The following GALNT9 variants were observed in gnomAD, a reference collection of about 807,000 sequenced individuals.
GALNT9 encodes polypeptide N-acetylgalactosaminyltransferase 9, also known as GalNAc transferase 9.
A neutral mutation model predicts 63.1 loss-of-function variants in GALNT9; 47 were observed. The observed-to-expected ratio is 0.75, with a 90% CI of 0.59 to 0.95. The LOEUF (loss-of-function observed/expected upper bound fraction) is 0.95. Ranked by LOEUF, GALNT9 falls within the 40% of genes least tolerant of loss-of-function variation. The probability of loss-of-function intolerance (pLI) is 0.00; values close to 1 mark genes in which losing one functional copy is unlikely to be tolerated. For synonymous variants in GALNT9, 396 were observed against 365.7 expected (o/e 1.08, Z -0.94); for missense variants, 829 against 874.8 (o/e 0.95, Z 0.66).
At chr12:132,280,182 C>T (rs1394615081) in intron 2 of GALNT9, 1 of 152,294 alleles carries the variant, frequency 6.6e-6, no homozygotes, top group Non-Finnish European at 1.5e-5. Flanking sequence ...TGAAGCCCCA[C>T]CTTTCAGTTG....
Position 132,262,520 on chromosome 12 carries a change from G to C in GALNT9, c.525C>G (p.Val175=). 6.4e-7 allele frequency: 1 copy of C among 1,551,468 alleles called. No homozygotes were observed. Among genetic ancestry groups the C allele is most frequent in the African/African-American group, 1.4e-5 (1 of 73,182 alleles). The change falls in exon 3 of 11, where the codon GTC becomes GTG. Residue 175 remains valine (V), a synonymous_variant. Coordinates refer to ENST00000328957, the MANE Select transcript of GALNT9 (RefSeq NM_001122636.2). Reference sequence around the variant, plus strand: ...TGAGGAGCTGGGAGGGCGTGTGGTTGACCACGCTGTGCACGGAGCGCAGGA... The same window carrying C: ...TGAGGAGCTGGGAGGGCGTGTGGTTCACCACGCTGTGCACGGAGCGCAGGA... ...SVILRSVHSV[V]NHTPSQLLKE...
At chr12:132,272,143 G>A (rs59046540) in intron 2 of GALNT9, among the ~76,000 whole-genome samples, 8 of 152,296 alleles carry the variant, frequency 5.3e-5, no homozygotes, top group East Asian at 1.9e-4. Flanking sequence ...ACAGATGCAC[G>A]GCGGGGACCC....
At position 132,267,795 on chromosome 12, in the gene GALNT9, T is replaced by TCACACACACGCACA. The variant is rs1555240327; in HGVS notation, c.420-5171_420-5170insTGTGCGTGTGTGTG. Among the ~76,000 whole-genome samples, 12 of 48,276 alleles carry TCACACACACGCACA rather than the reference T, an allele frequency of 2.5e-4. No homozygotes were observed. The Middle Eastern group carries it at 0.04, about 161-fold the overall frequency. The allele number at this position is 48,276 out of a possible 152,430, so 31.7% of individuals were successfully genotyped here. A position where few individuals can be genotyped will look rare whatever the true frequency, so the allele number is the denominator to read the frequency against. On this transcript the variant is annotated intron_variant, in intron 2 of 10. Transcript: ENST00000328957. ...CTCACACACACGCACACACACGCAC[T>TCACACACACGCACA]CACACGCACTCACACACGCACTCAC... is the stretch of plus-strand genomic sequence containing the variant.
intron 1 of GALNT9, among the ~76,000 whole-genome samples, chr12:132,302,456 T>A (rs1881334620): frequency 6.6e-6 from 1 of 152,228 alleles, no homozygotes; most frequent in Non-Finnish European, 1.5e-5. Context: ...TTCATAAACA[T>A]AACTTTGATG....
intron 8 of GALNT9, 37 bp downstream of exon 8, chr12:132,201,087 C>T (rs753253267): frequency 1.9e-6 from 3 of 1,601,672 alleles, no homozygotes; most frequent in Admixed American, 3.4e-5. Context: ...GGCAGAAAGC[C>T]TGTCGGGCCG....
At chr12:132,204,529 G>C (rs984987947) in intron 6 of GALNT9, among the ~76,000 whole-genome samples, 1 of 152,150 alleles carries the variant, frequency 6.6e-6, no homozygotes, top group African/African-American at 2.4e-5. Context: ...GGGCTGGGAC[G>C]TGGGTCCTCC....
At chr12:132,293,111 G>A (rs188069142) in intron 1 of GALNT9, among the ~76,000 whole-genome samples, 96 of 152,286 alleles carry the variant, frequency 6.3e-4, no homozygotes, top group Non-Finnish European at 1.0e-3. Context: ...GGGCCGAGCC[G>A]GCCAGGCCTC....
intron 6 of GALNT9, among the ~76,000 whole-genome samples, chr12:132,243,586 C>T (rs1385294835): frequency 6.6e-6 from 1 of 152,140 alleles, no homozygotes; most frequent in Non-Finnish European, 1.5e-5. Context: ...CCAGGAGACC[C>T]CAGTTCTATT....
In GALNT9 at chr12:132,199,082, G is replaced by T. The variant is rs541458237; in HGVS notation, c.1497+92C>A. The T allele has an allele frequency of 1.5e-4, 121 of 812,812 alleles. 1 individual carries two copies. Among genetic ancestry groups the T allele is most frequent in the Admixed American group, 7.0e-4 (36 of 51,138 alleles). 50.3% of individuals were successfully genotyped at this position (812,812 alleles called of 1,614,324 possible). A position where few individuals can be genotyped will look rare whatever the true frequency, so the allele number is the denominator to read the frequency against. On this transcript the variant is annotated intron_variant, in intron 9 of 10. Coordinates refer to ENST00000328957, the MANE Select transcript of GALNT9 (RefSeq NM_001122636.2). Reference sequence around the variant, plus strand: ...TGGTGGCCTCAGAACACCCCAGCAGGCTGGACCCGTGCCTCTGCCCCAGGG... The same window carrying T: ...TGGTGGCCTCAGAACACCCCAGCAGTCTGGACCCGTGCCTCTGCCCCAGGG...
At chr12:132,222,259 G>GAC (rs1412324103) in intron 6 of GALNT9, among the ~76,000 whole-genome samples, 43 of 152,132 alleles carry the variant, frequency 2.8e-4, no homozygotes, top group African/African-American at 1.0e-3. Flanking sequence ...CCCTAAGAAC[G>GAC]ACAGCAAAGG....
At chr12:132,324,474 C>T (rs1868946937) in intron 1 of GALNT9, among the ~76,000 whole-genome samples, 2 of 152,186 alleles carry the variant, frequency 1.3e-5, no homozygotes, top group Non-Finnish European at 2.9e-5. Context: ...GCTGACCTGC[C>T]GGGGCCGCGT....
chr12:132,295,753 G>C (rs1257415756), intron 1 of GALNT9, among the ~76,000 whole-genome samples: 1 of 152,216 alleles, frequency 6.6e-6, no homozygotes, highest in Non-Finnish European at 1.5e-5. Flanking sequence ...AAAAGGGAGA[G>C]CCTCCGAACA....
Position 132,307,832 on chromosome 12 carries a change from T to C in GALNT9, c.238+21134A>G, listed in dbSNP as rs1167701493. Reference sequence around the variant, plus strand: ...CTGGGCGACAGAGTGAGACTCCGTCTCAAAACAAACAAACAACAACAACCA... The same window carrying C: ...CTGGGCGACAGAGTGAGACTCCGTCCCAAAACAAACAAACAACAACAACCA... On this transcript the variant is annotated intron_variant, in intron 1 of 10. Transcript: ENST00000328957. Among the ~76,000 whole-genome samples the C allele has an allele frequency of 2.0e-5, 3 of 151,240 alleles. No individual in the cohort carries two copies. The East Asian group carries it at 5.8e-4, about 29-fold the overall frequency.
chr12:132,292,252 C>T (rs1880886801), intron 1 of GALNT9, among the ~76,000 whole-genome samples: 1 of 152,224 alleles, frequency 6.6e-6, no homozygotes, highest in African/African-American at 2.4e-5. Flanking sequence ...GCCTTCCTGC[C>T]ATCTACCCCA....
chr12:132,267,235 A>G (rs1879635464), intron 2 of GALNT9, among the ~76,000 whole-genome samples: 1 of 141,860 alleles, frequency 7.0e-6, no homozygotes, highest in Non-Finnish European at 1.5e-5. Flanking sequence ...GCGGGGAAGG[A>G]GGCAGGCAGG....
chr12:132,293,019 G>T (rs1395760553), intron 1 of GALNT9, among the ~76,000 whole-genome samples: 1 of 152,232 alleles, frequency 6.6e-6, no homozygotes, highest in Non-Finnish European at 1.5e-5. Flanking sequence ...GGTATTTGGG[G>T]TTTCAGCTCT....
intron 6 of GALNT9, among the ~76,000 whole-genome samples, chr12:132,244,241 G>A (rs2136906363): frequency 1.9e-5 from 2 of 104,126 alleles, no homozygotes; most frequent in African/African-American, 4.1e-5. Context: ...CTGAGGGCCC[G>A]GCAGGGCTGG....
At position 132,203,602 on chromosome 12, in the gene GALNT9, A is replaced by G. The variant is rs763299280; in HGVS notation, c.1166T>C (p.Ile389Thr). The G allele has an allele frequency of 3.1e-6, 5 of 1,613,766 alleles. No individual in the cohort carries two copies. In the East Asian group the frequency reaches 8.9e-5, roughly 29 times the overall value. The change falls in exon 7 of 11, where the codon ATT (isoleucine) becomes ACT (threonine). Residue 389 changes from isoleucine to threonine, a missense_variant. By Grantham distance (89) the Ile-to-Thr change is moderately conservative. Coordinates refer to ENST00000328957, the MANE Select transcript of GALNT9 (RefSeq NM_001122636.2). ...GGCGTTGCGCTTGGCATAGTAGTCA[A>G]TGTCGTTGTTGTAGGGCTTCCTGGT... ...ERTRKPYNNDIDYYAKRNALR... is the reference protein window; with the variant it reads ...ERTRKPYNNDTDYYAKRNALR...
intron 10 of GALNT9, 134 bp downstream of exon 10, chr12:132,197,658 G>GC: frequency 2.9e-6 from 2 of 686,526 alleles, no homozygotes; most frequent in South Asian, 1.8e-5. Flanking sequence ...CTGATCCAAG[G>GC]CCCGGTCCCC....
Sources: gnomAD v4.1 joint callset for allele counts (sites outside exome capture counted in the v4.1 genomes callset) on GRCh38, gnomAD v4.1.1 for gene constraint, MANE v1.5 for transcripts, NCBI Gene and HGNC (gene_info 2026-07-23, HGNC 2026-07-21) for gene names.